DYNC1LI1: variants seen among roughly 807,000 people sequenced by gnomAD.
The protein encoded by DYNC1LI1 is cytoplasmic dynein 1 light intermediate chain 1.
DYNC1LI1 carries 19 observed loss-of-function variants against 63.8 expected under a neutral mutation model. The observed-to-expected ratio is 0.30, with a 90% CI of 0.21 to 0.44. DYNC1LI1 has a LOEUF of 0.44. Among genes scored for constraint, DYNC1LI1 ranks in the 20% least tolerant of loss-of-function variants. The pLI is 1.00. For synonymous variants in DYNC1LI1, 225 were observed against 232.3 expected, an observed-to-expected ratio of 0.97 and a Z score of 0.28; for missense variants, 565 against 630.2, an observed-to-expected ratio of 0.90 and a Z score of 1.11.
At chr3:32,533,872 ACTTT>A (rs1175449104) in intron 7 of DYNC1LI1, among the ~76,000 whole-genome samples, 2 of 136,224 alleles carry the variant, frequency 1.5e-5, no homozygotes, top group Non-Finnish European at 3.1e-5. Flanking sequence ...TATTCAGGTA[ACTTT>A]CTTTTTTTTT....
At chr3:32,528,698 TAA>T (rs1559433190) in intron 11 of DYNC1LI1, 97 bp from the exon 12 acceptor site, 1 of 1,232,816 alleles carries the variant, frequency 8.1e-7, no homozygotes, top group African/African-American at 1.6e-5. Flanking sequence ...TGAATAAACT[TAA>T]ATTTTAAGAG....
intron 4 of DYNC1LI1, among the ~76,000 whole-genome samples, chr3:32,544,058 C>A (rs1697918976): frequency 6.6e-6 from 1 of 151,570 alleles, no homozygotes; most frequent in African/African-American, 2.4e-5. Context: ...AGTGTGGGAC[C>A]CTGACTCAAA....
At chr3:32,567,447 TTAGGGCTA>T (rs1698282173) in intron 2 of DYNC1LI1, among the ~76,000 whole-genome samples, 1 of 152,146 alleles carries the variant, frequency 6.6e-6, no homozygotes, top group African/African-American at 2.4e-5. Context: ...AGGGGAGTAC[TTAGGGCTA>T]TATCATTGTT....
intron 2 of DYNC1LI1, among the ~76,000 whole-genome samples, chr3:32,567,537 A>ATTATTATT (rs1698284158): frequency 6.6e-6 from 1 of 150,474 alleles, no homozygotes; most frequent in African/African-American, 2.4e-5. Flanking sequence ...TTTATTTATT[A>ATTATTATT]TTATTATTAT....
chr3:32,557,727 T>G (rs1398033906), intron 2 of DYNC1LI1, among the ~76,000 whole-genome samples: 1 of 152,112 alleles, frequency 6.6e-6, no homozygotes, highest in Non-Finnish European at 1.5e-5. Flanking sequence ...AAGTGGCCAA[T>G]ACAGAAAAGG....
At chr3:32,544,605 T>C (rs1697927443) in intron 4 of DYNC1LI1, among the ~76,000 whole-genome samples, 1 of 152,018 alleles carries the variant, frequency 6.6e-6, no homozygotes, top group Non-Finnish European at 1.5e-5. Flanking sequence ...CCGTCTCTAC[T>C]AAAAATACAA....
At chr3:32,564,451 T>C (rs1416481875) in intron 2 of DYNC1LI1, among the ~76,000 whole-genome samples, 3 of 152,232 alleles carry the variant, frequency 2.0e-5, no homozygotes, top group Non-Finnish European at 2.9e-5. Flanking sequence ...TTCATTTACA[T>C]ATTATCCATG....
intron 2 of DYNC1LI1, among the ~76,000 whole-genome samples, chr3:32,565,744 G>C (rs1304315786): frequency 6.6e-6 from 1 of 152,006 alleles, no homozygotes. Context: ...TGAGTAGCTG[G>C]GACTACAGGA....
chr3:32,542,697 G>A (rs908420204), intron 4 of DYNC1LI1, among the ~76,000 whole-genome samples: 1 of 152,120 alleles, frequency 6.6e-6, no homozygotes, highest in Non-Finnish European at 1.5e-5. Flanking sequence ...GAGCCACTGC[G>A]CCCAGCCCTA....
intron 2 of DYNC1LI1, among the ~76,000 whole-genome samples, chr3:32,568,794 C>T (rs891185273): frequency 1.5e-4 from 23 of 152,072 alleles, no homozygotes; most frequent in Non-Finnish European, 3.4e-4. Context: ...GACAGTGTTT[C>T]CAAATATTTA....
chr3:32,551,747 T>G (rs1419907320), intron 2 of DYNC1LI1, among the ~76,000 whole-genome samples: 1 of 152,210 alleles, frequency 6.6e-6, no homozygotes. Context: ...GAAGACTGCC[T>G]GGCTATAACT....
intron 2 of DYNC1LI1, among the ~76,000 whole-genome samples, chr3:32,554,371 T>C (rs554756375): frequency 1.8e-4 from 27 of 152,352 alleles, no homozygotes; most frequent in African/African-American, 6.3e-4. Context: ...AAATGTAGTA[T>C]GTTAAACATA....
At chr3:32,564,729 C>G (rs1698236796) in intron 2 of DYNC1LI1, among the ~76,000 whole-genome samples, 1 of 152,154 alleles carries the variant, frequency 6.6e-6, no homozygotes, top group Non-Finnish European at 1.5e-5. Context: ...TTCCTTGCAT[C>G]ATATTCCCAT....
At chr3:32,568,881 TA>T (rs1256048365) in intron 2 of DYNC1LI1, among the ~76,000 whole-genome samples, 1 of 152,242 alleles carries the variant, frequency 6.6e-6, no homozygotes, top group Non-Finnish European at 1.5e-5. Context: ...GTAATTTGTT[TA>T]AATTAGTAAA....
intron 5 of DYNC1LI1, among the ~76,000 whole-genome samples, chr3:32,538,869 A>C (rs768096700): frequency 6.6e-6 from 1 of 152,158 alleles, no homozygotes; most frequent in South Asian, 2.1e-4. Flanking sequence ...ACATTTCTCC[A>C]TACCCCTATA....
intron 3 of DYNC1LI1, 120 bp downstream of exon 3, chr3:32,545,729 C>G (rs548069605): frequency 1.3e-6 from 1 of 748,450 alleles, no homozygotes; most frequent in South Asian, 1.5e-5. Context: ...ATTTCTTGAC[C>G]AGCATGACAT....
chr3:32,543,576 T>G (rs968145794), intron 4 of DYNC1LI1, among the ~76,000 whole-genome samples: 28 of 151,172 alleles, frequency 1.9e-4, no homozygotes, highest in African/African-American at 5.3e-4. Context: ...TTTTTTTTTT[T>G]TTTGTATTTT....
At position 32,570,812 on chromosome 3, in the gene DYNC1LI1, C is replaced by A. The variant is rs760069043; in HGVS notation, c.-42G>T. 6.4e-6 allele frequency: 10 copies of A among 1,567,922 alleles called. No individual in the cohort carries two copies. In the Admixed American group the frequency reaches 1.8e-4, roughly 28 times the overall value. On this transcript the variant is annotated 5_prime_UTR_variant, in exon 1 of 13. Transcript: ENST00000273130. Reference sequence around the variant, plus strand: ...ACCACTCCCGGCAAGACTAAATGTGCGAGGCGGCTGAGGCGGTGGCGGTGG... The same window carrying A: ...ACCACTCCCGGCAAGACTAAATGTGAGAGGCGGCTGAGGCGGTGGCGGTGG...
At chr3:32,567,391 A>C (rs1359138868) in intron 2 of DYNC1LI1, among the ~76,000 whole-genome samples, 1 of 152,110 alleles carries the variant, frequency 6.6e-6, no homozygotes, top group Non-Finnish European at 1.5e-5. Flanking sequence ...AGGTTGTAGG[A>C]GGAGAGAGAA....
Sources: gnomAD v4.1 joint callset for allele counts (sites outside exome capture counted in the v4.1 genomes callset) on GRCh38, gnomAD v4.1.1 for gene constraint, MANE v1.5 for transcripts, NCBI Gene and HGNC (gene_info 2026-07-23, HGNC 2026-07-21) for gene names.